The following THBS4 variants were observed in gnomAD, a reference collection of about 807,000 sequenced individuals.
THBS4 encodes the protein thrombospondin-4.
THBS4 carries 90 observed loss-of-function variants against 115.7 expected under a neutral mutation model. The observed-to-expected ratio is 0.78, with a 90% CI of 0.66 to 0.93. The LOEUF (loss-of-function observed/expected upper bound fraction) is 0.93. Ranked by LOEUF, THBS4 falls within the 40% of genes least tolerant of loss-of-function variation. The pLI, the probability that THBS4 is intolerant of heterozygous loss-of-function variation, is 0.00. For synonymous variants in THBS4, 460 were observed against 479.3 expected, an observed-to-expected ratio of 0.96 and a Z score of 0.53; for missense variants, 1,087 against 1,232.7, an observed-to-expected ratio of 0.88 and a Z score of 1.77.
At chr5:80,041,357 C>G (rs140896743) in intron 2 of THBS4, among the ~76,000 whole-genome samples, 1 of 152,314 alleles carries the variant, frequency 6.6e-6, no homozygotes, top group African/African-American at 2.4e-5. Context: ...TACCATCACA[C>G]TGGAGATTAG....
At position 80,083,065 on chromosome 5, in the gene THBS4, C is replaced by T. The variant is rs772073637; in HGVS notation, c.2825-15C>T. On this transcript the variant is annotated splice_polypyrimidine_tract_variant and intron_variant, in intron 21 of 21. Coordinates refer to ENST00000350881, the MANE Select transcript of THBS4 (RefSeq NM_003248.6). The stretch of plus-strand genomic sequence containing the variant: ...AGGAGCCTCGCTAACCTCCCTGTGC[C>T]CATTCCTATTGCAGACACCATCCCT... The T allele has an allele frequency of 1.2e-6, 2 of 1,612,784 alleles. No homozygotes were observed. Among genetic ancestry groups the T allele is most frequent in the African/African-American group, 2.7e-5 (2 of 74,916 alleles).
At chr5:80,070,456 C>A in intron 11 of THBS4, 46 bp downstream of exon 11, 1 of 1,548,896 alleles carries the variant, frequency 6.5e-7, no homozygotes. Context: ...CTGTGGCTTT[C>A]CAAAGTCACA....
exon 2 of THBS4, chr5:79,998,370 A>G (rs1831837585): frequency 6.6e-6 from 1 of 152,654 alleles, no homozygotes; most frequent in Non-Finnish European, 1.5e-5. Context: ...GCCTTCCACC[A>G]TGATCGTAAG....
chr5:79,991,783 T>C (rs1482270269), intron 1 of THBS4, among the ~76,000 whole-genome samples: 2 of 152,254 alleles, frequency 1.3e-5, no homozygotes, highest in East Asian at 1.9e-4. Flanking sequence ...TCCTTCAATC[T>C]GGAATATCTT....
At chr5:80,020,099 C>T (rs1446984260) in intron 2 of THBS4, among the ~76,000 whole-genome samples, 3 of 152,162 alleles carry the variant, frequency 2.0e-5, no homozygotes, top group Non-Finnish European at 2.9e-5. Flanking sequence ...GATTCTAGAG[C>T]GAATGCTGTC....
At chr5:80,061,625 A>AAAT in intron 7 of THBS4, 70 bp from the exon 8 acceptor site, 1 of 1,513,452 alleles carries the variant, frequency 6.6e-7, no homozygotes, top group South Asian at 1.3e-5. Context: ...AAGTATGTGC[A>AAAT]AATAGATGAA....
upstream of THBS4, among the ~76,000 whole-genome samples, chr5:80,035,050 C>A (rs1379951104): frequency 6.6e-6 from 1 of 152,146 alleles, no homozygotes; most frequent in Non-Finnish European, 1.5e-5. This position sits in a 1 kb window ranked among gnomAD's most constrained non-coding sequence, Gnocchi z 4.6. Context: ...TCGCCCCTTT[C>A]CTCCCGCTCC....
intron 2 of THBS4, among the ~76,000 whole-genome samples, chr5:80,044,987 ATCTCTGAATC>A (rs573606606): frequency 4.6e-3 from 706 of 152,296 alleles, no homozygotes; most frequent in Non-Finnish European, 7.5e-3. Context: ...CCATGAATAC[ATCTCTGAATC>A]TCTCTTAGCC....
chr5:80,011,025 G>C (rs1166006037), intron 2 of THBS4, among the ~76,000 whole-genome samples: 3 of 152,184 alleles, frequency 2.0e-5, no homozygotes, highest in African/African-American at 7.2e-5. Flanking sequence ...ATTCCCATGT[G>C]TTGTGGGAGA....
At chr5:80,042,412 G>T (rs1832931975) in intron 2 of THBS4, among the ~76,000 whole-genome samples, 1 of 152,164 alleles carries the variant, frequency 6.6e-6, no homozygotes, top group South Asian at 2.1e-4. Context: ...CAGCTTAATG[G>T]CCAGAAGTTC....
chr5:79,996,092 G>A (rs775785134), intron 1 of THBS4, among the ~76,000 whole-genome samples: 12 of 152,002 alleles, frequency 7.9e-5, no homozygotes, highest in Admixed American at 1.3e-4. Flanking sequence ...AGCTAAGATC[G>A]TACCACTGCA....
chr5:80,070,801 G>A (rs1419515505), intron 12 of THBS4, 51 bp downstream of exon 12: 2 of 1,596,916 alleles, frequency 1.3e-6, no homozygotes, highest in Non-Finnish European at 1.7e-6. Flanking sequence ...CAGGGATGAT[G>A]GGAGAAAGCC....
intron 2 of THBS4, among the ~76,000 whole-genome samples, chr5:80,029,844 C>T (rs2112002987): frequency 6.6e-6 from 1 of 151,820 alleles, no homozygotes; most frequent in South Asian, 2.1e-4. Flanking sequence ...GTGGTGGGCA[C>T]CTTTAGTCCC....
chr5:80,044,649 T>C (rs1833005574), intron 2 of THBS4, among the ~76,000 whole-genome samples: 1 of 152,134 alleles, frequency 6.6e-6, no homozygotes, highest in Non-Finnish European at 1.5e-5. Flanking sequence ...GGTCTCGAAC[T>C]CCTGGCCTCA....
intron 2 of THBS4, among the ~76,000 whole-genome samples, chr5:80,043,505 G>T (rs916864156): frequency 1.3e-5 from 2 of 152,138 alleles, no homozygotes; most frequent in Admixed American, 6.5e-5. Context: ...CGTGGAAAAC[G>T]GTGAAACAGA....
rs1393985887 is a variant in THBS4, at chr5:80,073,343, C to T, written c.1892+16C>T. The T allele has an allele frequency of 9.3e-6, 15 of 1,612,144 alleles. No homozygotes were observed. Among genetic ancestry groups the T allele is most frequent in the Middle Eastern group, 1.7e-4 (1 of 6,048 alleles). Reference sequence around the variant, plus strand: ...ATCAGGACAGGTATGGCATGTCTCCCAACTGCAGAGAGACAGATGCAAACA... The same window carrying T: ...ATCAGGACAGGTATGGCATGTCTCCTAACTGCAGAGAGACAGATGCAAACA... On this transcript the variant is annotated intron_variant, in intron 15 of 21. Transcript: ENST00000350881.
At chr5:80,028,542 TCCA>T (rs1166563992) in intron 2 of THBS4, among the ~76,000 whole-genome samples, 1 of 151,230 alleles carries the variant, frequency 6.6e-6, no homozygotes, top group Non-Finnish European at 1.5e-5. Context: ...CACTGCAACC[TCCA>T]CCTCCCGAGT....
intron 4 of THBS4, 42 bp downstream of exon 4, chr5:80,058,356 A>C (rs1282266204): frequency 2.8e-6 from 4 of 1,434,372 alleles, no homozygotes; most frequent in South Asian, 1.2e-5. Flanking sequence ...ATCAACACAA[A>C]CTCCAAAGAC....
intron 20 of THBS4, 59 bp from the exon 21 acceptor site, chr5:80,082,347 G>A (rs1184683400): frequency 1.3e-5 from 21 of 1,601,912 alleles, no homozygotes; most frequent in Non-Finnish European, 1.7e-5. Flanking sequence ...GGGCCTCACA[G>A]TGGGCACTTT....
Sources: gnomAD v4.1 joint callset for allele counts (sites outside exome capture counted in the v4.1 genomes callset) on GRCh38, gnomAD v4.1.1 for gene constraint, Gnocchi (gnomAD v3.1) non-coding constraint, MANE v1.5 for transcripts, NCBI Gene and HGNC (gene_info 2026-07-23, HGNC 2026-07-21) for gene names.